The following ARPC1A variants were observed in gnomAD, a reference collection of about 807,000 sequenced individuals.
ARPC1A encodes actin related protein 2/3 complex subunit 1A.
A neutral mutation model predicts 46.9 loss-of-function variants in ARPC1A; 8 were observed. That is an observed-to-expected ratio of 0.17 (90% CI 0.10 to 0.31). ARPC1A has a LOEUF of 0.31. Among genes scored for constraint, ARPC1A ranks in the 10% least tolerant of loss-of-function variants. The pLI is 1.00. For synonymous variants in ARPC1A, 152 were observed against 169.0 expected (o/e 0.90, Z 0.78); for missense variants, 286 against 483.6 (o/e 0.59, Z 3.83).
At chr7:99,355,571 C>A (rs1445174924) in intron 6 of ARPC1A, among the ~76,000 whole-genome samples, 27 of 151,838 alleles carry the variant, frequency 1.8e-4, no homozygotes, top group Non-Finnish European at 1.5e-5. Flanking sequence ...ATGGTGAAAC[C>A]CTGTCTCTAC....
intron 1 of ARPC1A, among the ~76,000 whole-genome samples, chr7:99,326,590 C>T (rs949446871): frequency 5.8e-4 from 89 of 152,326 alleles, no homozygotes; most frequent in African/African-American, 2.0e-3. Context: ...TCTTTTATGC[C>T]AGTCCTGGCA....
At chr7:99,344,126 G>A (rs559445719) in intron 3 of ARPC1A, among the ~76,000 whole-genome samples, 167 bp from the exon 4 acceptor site, 15 of 152,312 alleles carry the variant, frequency 9.8e-5, no homozygotes, top group African/African-American at 3.6e-4. Context: ...AAGCATCCTT[G>A]CCTTTCCTTG....
At chr7:99,365,763 A>G (rs966011272) in intron 9 of ARPC1A, 128 bp from the exon 10 acceptor site, 2 of 963,866 alleles carry the variant, frequency 2.1e-6, no homozygotes, top group Non-Finnish European at 3.1e-6. Context: ...ATCCTGTTTC[A>G]GGTGGGGCAG....
intron 4 of ARPC1A, among the ~76,000 whole-genome samples, chr7:99,348,580 C>T (rs573983854): frequency 6.6e-6 from 1 of 152,314 alleles, no homozygotes; most frequent in Admixed American, 6.5e-5. Context: ...AGATCATAAC[C>T]TGGTATCAAA....
intron 2 of ARPC1A, chr7:99,335,389 A>G (rs1793228543): frequency 4.5e-6 from 2 of 440,464 alleles, no homozygotes; most frequent in African/African-American, 4.1e-5. Flanking sequence ...GACTGTAAAG[A>G]TGAGAGTTTA....
At chr7:99,335,657 T>C (rs964107436) in intron 2 of ARPC1A, among the ~76,000 whole-genome samples, 2 of 152,102 alleles carry the variant, frequency 1.3e-5, no homozygotes, top group African/African-American at 4.8e-5. Flanking sequence ...TTCACCATCT[T>C]TTTAAAGCAT....
At chr7:99,347,573 C>T (rs1315921269) in intron 4 of ARPC1A, among the ~76,000 whole-genome samples, 7 of 152,018 alleles carry the variant, frequency 4.6e-5, no homozygotes, top group African/African-American at 1.7e-4. Context: ...GGCGTGGTGG[C>T]GTGAGCCTAT....
Position 99,366,011 on chromosome 7 carries a change from C to T in ARPC1A, c.*82C>T. 1 of 1,472,126 alleles carries T rather than the reference C, an allele frequency of 6.8e-7. No individual in the cohort carries two copies. The highest frequency in any genetic ancestry group is 9.3e-7 in the Non-Finnish European group (1 of 1,079,630). 91.2% of individuals were successfully genotyped at this position (1,472,126 alleles called of 1,614,324 possible). On this transcript the variant is annotated 3_prime_UTR_variant, in exon 10 of 10. Transcript: ENST00000262942. ...CGTGGCACGATGGCGAGGAAGCCAGCCCCAAGGAAACACTGAAAACACATA... is the reference window on the plus strand; with the variant it reads ...CGTGGCACGATGGCGAGGAAGCCAGTCCCAAGGAAACACTGAAAACACATA...
At chr7:99,352,767 C>T (rs58227667) in intron 5 of ARPC1A, among the ~76,000 whole-genome samples, 1,725 of 151,986 alleles carry the variant, frequency 0.011, 30 homozygotes, top group African/African-American at 0.039. Context: ...GAGTTCAAGA[C>T]CAGCCTGGTC....
chr7:99,334,040 TA>T lies in ARPC1A; in HGVS notation c.64+624del, dbSNP rs1174657393. On this transcript the variant is annotated intron_variant, in intron 2 of 9. Transcript: ENST00000262942. Reference sequence around the variant, plus strand: ...ACACACACACACACACATATATATGTATTTTTTTTTTTTGAGACAGAGTCTC... The same window carrying T: ...ACACACACACACACACATATATATGTTTTTTTTTTTTTGAGACAGAGTCTC... Among the ~76,000 whole-genome samples the T allele has an allele frequency of 1.3e-4, 14 of 107,716 alleles. No individual in the cohort carries two copies. The East Asian group carries it at 1.4e-3, about 10-fold the overall frequency. 70.7% of individuals were successfully genotyped at this position (107,716 alleles called of 152,430 possible).
intron 7 of ARPC1A, 90 bp from the exon 8 acceptor site, chr7:99,359,455 A>ATT: frequency 2.1e-6 from 2 of 943,278 alleles, no homozygotes; most frequent in Non-Finnish European, 3.2e-6. Context: ...AAAAAAAAAG[A>ATT]GTAAGAGAGG....
At chr7:99,362,928 AGGGCTGTT>A (rs1278274610) in intron 8 of ARPC1A, among the ~76,000 whole-genome samples, 2 of 151,938 alleles carry the variant, frequency 1.3e-5, no homozygotes, top group Non-Finnish European at 2.9e-5. Flanking sequence ...AGACTCAAGG[AGGGCTGTT>A]GGCTTATCTG....
At chr7:99,329,976 A>G (rs1793117973) in intron 1 of ARPC1A, among the ~76,000 whole-genome samples, 1 of 152,174 alleles carries the variant, frequency 6.6e-6, no homozygotes, top group African/African-American at 2.4e-5. Flanking sequence ...GCTGTTACTA[A>G]AATCTGTTGT....
At chr7:99,335,482 G>C (rs1323572935) in intron 2 of ARPC1A, 1 of 382,216 alleles carries the variant, frequency 2.6e-6, no homozygotes, top group Non-Finnish European at 5.1e-6. Context: ...CTATAGCTTG[G>C]TGGTAAGTTT....
chr7:99,356,195 C>A (rs59463042), intron 6 of ARPC1A, among the ~76,000 whole-genome samples: 16,700 of 152,192 alleles, frequency 0.11, 2,417 homozygotes, highest in African/African-American at 0.33. Flanking sequence ...CCTTTACTCC[C>A]TGTCAGGTCA....
rs192566196 is a variant in ARPC1A at position 99,335,751 on chromosome 7, A to G, written c.64+2334A>G. ...AGGCAGATCACGAGGTCAGGAGATC[A>G]AGACCATCCTGACTAACACAGTGAA... On this transcript the variant is annotated intron_variant, in intron 2 of 9. Transcript: ENST00000262942. Among the ~76,000 whole-genome samples, 580 of 152,188 alleles carry G rather than the reference A, an allele frequency of 3.8e-3. 3 individuals are homozygous for G. Among genetic ancestry groups the G allele is most frequent in the African/African-American group, 0.014 (563 of 41,554 alleles).
At chr7:99,364,698 C>T (rs1214230100) in intron 9 of ARPC1A, among the ~76,000 whole-genome samples, 1 of 151,926 alleles carries the variant, frequency 6.6e-6, no homozygotes, top group Non-Finnish European at 1.5e-5. Flanking sequence ...GGAAACAGGC[C>T]CTATTGGACA....
intron 1 of ARPC1A, among the ~76,000 whole-genome samples, chr7:99,330,433 G>T (rs1457883182): frequency 1.3e-5 from 2 of 152,138 alleles, no homozygotes; most frequent in African/African-American, 2.4e-5. Flanking sequence ...TTGTGCCTCA[G>T]CCTCCTGAGT....
At chr7:99,358,154 A>G (rs1277240597) in intron 6 of ARPC1A, among the ~76,000 whole-genome samples, 186 bp from the exon 7 acceptor site, 1 of 152,194 alleles carries the variant, frequency 6.6e-6, no homozygotes, top group Non-Finnish European at 1.5e-5. Context: ...AAGGAGGCAG[A>G]GCCGGAACCC....
Sources: gnomAD v4.1 joint callset for allele counts (sites outside exome capture counted in the v4.1 genomes callset) on GRCh38, gnomAD v4.1.1 for gene constraint, MANE v1.5 for transcripts, NCBI Gene and HGNC (gene_info 2026-07-23, HGNC 2026-07-21) for gene names.